The following ZNF431 variants were observed in gnomAD, a reference collection of about 807,000 sequenced individuals.
ZNF431 encodes the protein zinc finger protein 431.
A neutral mutation model predicts 57.0 loss-of-function variants in ZNF431; 34 were observed. That is an observed-to-expected ratio of 0.60 (90% CI 0.45 to 0.79). The LOEUF is 0.79. Among genes scored for constraint, ZNF431 ranks in the 30% least tolerant of loss-of-function variants. The pLI, the probability that ZNF431 is intolerant of heterozygous loss-of-function variation, is 0.00. For synonymous variants in ZNF431, 207 were observed against 220.3 expected, an observed-to-expected ratio of 0.94 and a Z score of 0.54; for missense variants, 607 against 667.1, an observed-to-expected ratio of 0.91 and a Z score of 0.99.
chr19:21,180,956 A>C (rs1045395883), intron 4 of ZNF431, among the ~76,000 whole-genome samples: 5 of 151,910 alleles, frequency 3.3e-5, no homozygotes, highest in African/African-American at 1.2e-4. Flanking sequence ...AAAAAAAAAA[A>C]AAAAGAACTT....
intron 2 of ZNF431, among the ~76,000 whole-genome samples, chr19:21,165,488 C>T (rs1380245484): frequency 6.6e-6 from 1 of 152,140 alleles, no homozygotes; most frequent in Non-Finnish European, 1.5e-5. Flanking sequence ...TTTTGAGGGG[C>T]AATATCTCAG....
intron 3 of ZNF431, 50 bp downstream of exon 3, chr19:21,166,511 G>T: frequency 2.0e-6 from 3 of 1,521,578 alleles, no homozygotes; most frequent in Non-Finnish European, 1.8e-6. Context: ...AATGTTTCAT[G>T]TCTCTTTTTT....
Position 21,192,714 on chromosome 19 carries a change from TAGC to T in ZNF431, c.*8683_*8685del, listed in dbSNP as rs1971532399. 1 of 152,194 alleles carries T rather than the reference TAGC, an allele frequency of 6.6e-6. No homozygotes were observed. Among genetic ancestry groups the T allele is most frequent in the East Asian group, 1.9e-4 (1 of 5,196 alleles). 9.4% of individuals were successfully genotyped at this position (152,194 alleles called of 1,614,324 possible). A position where few individuals can be genotyped will look rare whatever the true frequency, so the allele number is the denominator to read the frequency against. ...AACATATCCCTGTTTAGTATGTTGTTAGCAGTTTTTTTGGTTATATATGGCATT... is the reference window on the plus strand; with the variant it reads ...AACATATCCCTGTTTAGTATGTTGTTAGTTTTTTTGGTTATATATGGCATT... On this transcript the variant is annotated 3_prime_UTR_variant, in exon 5 of 5. Transcript: ENST00000311048.
chr19:21,163,288 G>A (rs1434884589), intron 2 of ZNF431, among the ~76,000 whole-genome samples: 2 of 152,194 alleles, frequency 1.3e-5, no homozygotes, highest in African/African-American at 4.8e-5. Flanking sequence ...CAAAGAATAC[G>A]AAACGTTTGG....
At chr19:21,172,123 A>T (rs890755540) in intron 4 of ZNF431, among the ~76,000 whole-genome samples, 1 of 57,956 alleles carries the variant, frequency 1.7e-5, no homozygotes, top group Non-Finnish European at 3.4e-5. Context: ...CTTTAGAAAA[A>T]TTAATTGTTG....
intron 2 of ZNF431, chr19:21,150,236 G>T: frequency 1.9e-6 from 1 of 523,784 alleles, no homozygotes; most frequent in Non-Finnish European, 3.6e-6. Flanking sequence ...GCCGCCTATA[G>T]AGGATGGCTC....
In ZNF431 at chr19:21,192,193, G is replaced by A. The variant is rs1309530662; in HGVS notation, c.*8159G>A. 1 of 152,086 alleles carries A rather than the reference G, an allele frequency of 6.6e-6. No individual in the cohort carries two copies. The highest frequency in any genetic ancestry group is 1.5e-5 in the Non-Finnish European group (1 of 68,032). The allele number at this position is 152,086 out of a possible 1,614,324, so 9.4% of individuals were successfully genotyped here. ...TTATTTATTTATTTATTTTGAGATG[G>A]AGTCTCGGTCTGTCACGCAGGCTCG... On this transcript the variant is annotated 3_prime_UTR_variant, in exon 5 of 5. Transcript: ENST00000311048.
In ZNF431 at chr19:21,190,150, CAGA is replaced by C. The variant is rs1971477677; in HGVS notation, c.*6117_*6119del. On this transcript the variant is annotated 3_prime_UTR_variant, in exon 5 of 5. Coordinates refer to ENST00000311048, the MANE Select transcript of ZNF431 (RefSeq NM_133473.4). ...TGCCACTGCACTCCATCCTGGGCAA[CAGA>C]GTGAGACTCGGTCTCAAGAGGGAAA... 1 of 356,928 alleles carries C rather than the reference CAGA, an allele frequency of 2.8e-6. No individual in the cohort carries two copies. Among genetic ancestry groups the C allele is most frequent in the Admixed American group, 4.7e-5 (1 of 21,482 alleles). The allele number at this position is 356,928 out of a possible 1,614,324, so 22.1% of individuals were successfully genotyped here.
intron 4 of ZNF431, among the ~76,000 whole-genome samples, chr19:21,179,141 C>G (rs1489917011): frequency 6.6e-6 from 1 of 152,048 alleles, no homozygotes; most frequent in Non-Finnish European, 1.5e-5. Context: ...CTAGATGTTC[C>G]AGTTTATGTG....
At position 21,153,177 on chromosome 19, in the gene ZNF431, ACT is replaced by A. The variant is rs554616084; in HGVS notation, c.96+9538_96+9539del. Among the ~76,000 whole-genome samples the A allele has an allele frequency of 8.5e-4, 130 of 152,226 alleles. 1 individual carries two copies. Among genetic ancestry groups the A allele is most frequent in the African/African-American group, 2.9e-3 (121 of 41,542 alleles). ...GTAGCAGAGAGGACAACCACATGTC[ACT>A]CTCATCGCCATGTTAATTTTGGTGG... On this transcript the variant is annotated intron_variant, in intron 2 of 4. Coordinates refer to ENST00000311048, the MANE Select transcript of ZNF431 (RefSeq NM_133473.4).
chr19:21,173,635 C>T (rs923310038), intron 4 of ZNF431, among the ~76,000 whole-genome samples: 2 of 151,176 alleles, frequency 1.3e-5, no homozygotes, highest in African/African-American at 4.9e-5. Flanking sequence ...CATAAATTCT[C>T]CTGCCTCAGC....
intron 2 of ZNF431, among the ~76,000 whole-genome samples, chr19:21,163,486 G>T (rs970266187): frequency 7.2e-5 from 11 of 152,188 alleles, no homozygotes; most frequent in African/African-American, 2.7e-4. Context: ...CAAACCTGCA[G>T]ATTCACATTA....
intron 2 of ZNF431, among the ~76,000 whole-genome samples, chr19:21,147,200 T>C (rs570987707): frequency 6.6e-6 from 1 of 152,144 alleles, no homozygotes; most frequent in Non-Finnish European, 1.5e-5. Context: ...TTTAAGAACA[T>C]CTGTTGCTGG....
In ZNF431 at chr19:21,150,792, T is replaced by C. The variant is rs150030133; in HGVS notation, c.96+7149T>C. On this transcript the variant is annotated intron_variant, in intron 2 of 4. Transcript: ENST00000311048. ...AAAAGTATAGTTCTCACCTAGTTAT[T>C]ACATGCCAAGTTTCTTTTATAATGT... 6.5e-4 allele frequency among the ~76,000 whole-genome samples: 99 copies of C among 152,310 alleles called. 1 individual carries two copies. The highest frequency in any genetic ancestry group is 2.1e-3 in the African/African-American group (86 of 41,574).
chr19:21,149,974 A>C (rs1362276130), intron 2 of ZNF431: 1 of 588,474 alleles, frequency 1.7e-6, no homozygotes, highest in African/African-American at 1.9e-5. Context: ...CATCATGCGC[A>C]ATCACCACCA....
chr19:21,163,762 C>T lies in ZNF431; in HGVS notation c.97-2573C>T, dbSNP rs149388231. ...CTTGAACTCCAGACCTCAGGTGATCCGCCCCACTCTGTGTCCCAAAGTGCT... is the reference window on the plus strand; with the variant it reads ...CTTGAACTCCAGACCTCAGGTGATCTGCCCCACTCTGTGTCCCAAAGTGCT... On this transcript the variant is annotated intron_variant, in intron 2 of 4. Coordinates refer to ENST00000311048, the MANE Select transcript of ZNF431 (RefSeq NM_133473.4). 4.8e-3 allele frequency among the ~76,000 whole-genome samples: 725 copies of T among 152,128 alleles called. 7 individuals are homozygous for T. Among genetic ancestry groups the T allele is most frequent in the African/African-American group, 0.016 (673 of 41,498 alleles).
intron 2 of ZNF431, among the ~76,000 whole-genome samples, chr19:21,149,288 G>A (rs10854042): frequency 0.93 from 142,246 of 152,260 alleles, 66,688 homozygotes; most frequent in Middle Eastern, 0.98. Flanking sequence ...TTATGACCTT[G>A]AAATATTTGG....
intron 2 of ZNF431, among the ~76,000 whole-genome samples, chr19:21,145,622 G>A (rs1032863174): frequency 6.6e-6 from 1 of 152,138 alleles, no homozygotes; most frequent in African/African-American, 2.4e-5. Context: ...ACAGGCAAAT[G>A]CAGTTAGGAT....
chr19:21,181,204 G>A (rs1971202276), intron 4 of ZNF431, among the ~76,000 whole-genome samples: 1 of 151,914 alleles, frequency 6.6e-6, no homozygotes, highest in Non-Finnish European at 1.5e-5. Context: ...TTTATATGAT[G>A]TGTTGTTTTG....
Sources: gnomAD v4.1 joint callset for allele counts (sites outside exome capture counted in the v4.1 genomes callset) on GRCh38, gnomAD v4.1.1 for gene constraint, MANE v1.5 for transcripts, NCBI Gene and HGNC (gene_info 2026-07-23, HGNC 2026-07-21) for gene names.